The following LDB3 variants were observed in gnomAD, a reference collection of about 807,000 sequenced individuals.
LDB3 encodes LIM domain-binding protein 3.
In LDB3, 49 loss-of-function variants were observed where a neutral mutation model predicts 69.0. The observed-to-expected ratio is 0.71, with a 90% CI of 0.56 to 0.90. LDB3 has a LOEUF of 0.90. Ranked by LOEUF, LDB3 falls within the 40% of genes least tolerant of loss-of-function variation. The probability of loss-of-function intolerance (pLI) is 0.00; values close to 1 mark genes in which losing one functional copy is unlikely to be tolerated. For missense variants in LDB3, 928 were observed against 974.1 expected, an observed-to-expected ratio of 0.95 and a Z score of 0.63; for synonymous variants, 387 against 396.2, an observed-to-expected ratio of 0.98 and a Z score of 0.28.
Position 86,685,144 on chromosome 10 carries a change from T to TG in LDB3, c.689+3348dup, listed in dbSNP as rs574301260. 3.3e-5 allele frequency among the ~76,000 whole-genome samples: 5 copies of TG among 152,042 alleles called. No individual in the cohort carries two copies. The East Asian group carries it at 5.8e-4, about 18-fold the overall frequency. ...TCTGGGAGGGAGAGGAGGTCAGGTT[T>TG]GGGGGGGCATAGGAAACCCCGCGCA... On this transcript the variant is annotated intron_variant, in intron 5 of 13. Coordinates refer to ENST00000361373, the MANE Select transcript of LDB3 (RefSeq NM_007078.3).
chr10:86,694,509 A>C (rs947611421), intron 7 of LDB3, among the ~76,000 whole-genome samples: 1 of 151,522 alleles, frequency 6.6e-6, no homozygotes, highest in African/African-American at 2.4e-5. Context: ...CCCCATCAGC[A>C]CCTCTCTCTG....
At chr10:86,693,814 G>C (rs1845883254) in intron 7 of LDB3, among the ~76,000 whole-genome samples, 4 of 152,240 alleles carry the variant, frequency 2.6e-5, no homozygotes, top group Non-Finnish European at 5.9e-5. Context: ...TCCCATGCTT[G>C]TCTTGCCCTC....
intron 8 of LDB3, among the ~76,000 whole-genome samples, chr10:86,707,833 T>C (rs1331511759): frequency 6.6e-6 from 1 of 152,222 alleles, no homozygotes; most frequent in Non-Finnish European, 1.5e-5. Flanking sequence ...AGGAGGAGCC[T>C]GGCCCTCCAG....
At chr10:86,674,524 G>C (rs1242791535) in intron 2 of LDB3, among the ~76,000 whole-genome samples, 1 of 152,180 alleles carries the variant, frequency 6.6e-6, no homozygotes, top group Non-Finnish European at 1.5e-5. Flanking sequence ...AGCCTTTCTT[G>C]GGGGCTTTGG....
intron 13 of LDB3, among the ~76,000 whole-genome samples, chr10:86,731,112 G>A (rs568874069): frequency 1.1e-4 from 16 of 146,252 alleles, no homozygotes; most frequent in Admixed American, 2.1e-4. Context: ...CTGAGATCGC[G>A]CCACTGCACT....
chr10:86,710,694 A>G (rs1480494773), intron 9 of LDB3, among the ~76,000 whole-genome samples: 1 of 152,232 alleles, frequency 6.6e-6, no homozygotes, highest in Non-Finnish European at 1.5e-5. Flanking sequence ...GAGAAACCCC[A>G]GGGAAGTTTT....
chr10:86,711,661 C>A (rs1361869311), intron 9 of LDB3, among the ~76,000 whole-genome samples: 1 of 151,760 alleles, frequency 6.6e-6, no homozygotes, highest in Non-Finnish European at 1.5e-5. Flanking sequence ...GCAGCTCCCC[C>A]CGGGGCCTCC....
At chr10:86,669,461 G>A (rs1333141119) in intron 2 of LDB3, among the ~76,000 whole-genome samples, 1 of 152,216 alleles carries the variant, frequency 6.6e-6, no homozygotes, top group Admixed American at 6.5e-5. Context: ...GGAGCAGCAT[G>A]GCCTGATGCA....
intron 13 of LDB3, among the ~76,000 whole-genome samples, chr10:86,731,201 C>G (rs1399594658): frequency 6.8e-6 from 1 of 146,530 alleles, no homozygotes; most frequent in Non-Finnish European, 1.5e-5. Context: ...TTGTATATTT[C>G]TCTGCATACT....
At chr10:86,667,535 C>G (rs1022240460), upstream of LDB3, among the ~76,000 whole-genome samples, 1 of 152,228 alleles carries the variant, frequency 6.6e-6, no homozygotes. Flanking sequence ...GCCACACGTG[C>G]TTCCCCCTCC....
rs374057530 is a variant in LDB3 at position 86,726,544 on chromosome 10, G to A, written c.2094+292G>A. The A allele has an allele frequency of 5.7e-4, 256 of 449,744 alleles. 2 individuals are homozygous for A. Among genetic ancestry groups the A allele is most frequent in the African/African-American group, 4.5e-3 (225 of 50,300 alleles). The allele number at this position is 449,744 out of a possible 1,614,324, so 27.9% of individuals were successfully genotyped here. On this transcript the variant is annotated intron_variant, in intron 13 of 13. Coordinates refer to ENST00000361373, the MANE Select transcript of LDB3 (RefSeq NM_007078.3). ...TTGTCTCACCAGCAGTGTTGTCAGC[G>A]GGCAAAAGCAGCAGATGATGCTTGG...
intron 8 of LDB3, among the ~76,000 whole-genome samples, chr10:86,709,367 G>C (rs553237124): frequency 3.9e-5 from 6 of 152,334 alleles, no homozygotes; most frequent in African/African-American, 1.2e-4. Context: ...ATGCAGAAGA[G>C]GTGTGTGTTG....
At chr10:86,714,929 C>T (rs1846807706) in intron 9 of LDB3, among the ~76,000 whole-genome samples, 1 of 152,144 alleles carries the variant, frequency 6.6e-6, no homozygotes, top group Non-Finnish European at 1.5e-5. Context: ...ATCTCTTCTT[C>T]CTTCAACAAC....
At chr10:86,673,119 G>A (rs1046488301) in intron 2 of LDB3, among the ~76,000 whole-genome samples, 14 of 152,204 alleles carry the variant, frequency 9.2e-5, no homozygotes, top group African/African-American at 3.4e-4. Flanking sequence ...ACCATCCTTG[G>A]ACACAAGAAT....
chr10:86,688,969 G>A (rs1228486020), intron 5 of LDB3, among the ~76,000 whole-genome samples: 2 of 152,020 alleles, frequency 1.3e-5, no homozygotes, highest in Non-Finnish European at 2.9e-5. Flanking sequence ...TCCTCCCCTG[G>A]TATGCCTGGA....
chr10:86,692,402 C>A, intron 6 of LDB3, 133 bp from the exon 7 acceptor site: 1 of 931,838 alleles, frequency 1.1e-6, no homozygotes. Context: ...GCCCAGCACA[C>A]AGTGGACAGG....
chr10:86,688,050 C>T (rs1225509188), intron 5 of LDB3, among the ~76,000 whole-genome samples: 1 of 102,894 alleles, frequency 9.7e-6, no homozygotes, highest in African/African-American at 3.8e-5. Context: ...CCCCGACCCT[C>T]GTGTGTGTGT....
intron 11 of LDB3, 59 bp from the exon 12 acceptor site, chr10:86,718,668 G>T: frequency 6.2e-7 from 1 of 1,612,654 alleles, no homozygotes; most frequent in Non-Finnish European, 8.5e-7. Context: ...GAGCCTGGTG[G>T]GGTAGTCAAG....
chr10:86,708,654 G>A (rs1158059982), intron 8 of LDB3, among the ~76,000 whole-genome samples: 2 of 152,196 alleles, frequency 1.3e-5, no homozygotes, highest in Non-Finnish European at 2.9e-5. Context: ...AAGGGCAGGT[G>A]GGCCTGGGGA....
Sources: allele counts gnomAD v4.1 joint callset (sites outside exome capture counted in the v4.1 genomes callset), GRCh38; gene constraint gnomAD v4.1.1; transcripts MANE v1.5; gene names NCBI Gene and HGNC (gene_info 2026-07-23, HGNC 2026-07-21).